The following EFCAB8 variants were observed in gnomAD, a reference collection of about 807,000 sequenced individuals.
EFCAB8 encodes EF-hand calcium binding domain 8, also known as EF-hand calcium-binding domain-containing protein 8.
In EFCAB8, 100 loss-of-function variants were observed where a neutral mutation model predicts 116.3. The ratio of observed to expected loss-of-function variants is 0.86; its 90% CI spans 0.73 to 1.02. The LOEUF (loss-of-function observed/expected upper bound fraction) is 1.02. EFCAB8 is among the 50% of genes least tolerant of loss of function. EFCAB8 has a pLI of 0.00. For synonymous variants in EFCAB8, 558 were observed against 567.9 expected (o/e 0.98, Z 0.25); for missense variants, 1,320 against 1,416.9 (o/e 0.93, Z 1.10).
At chr20:32,949,388 A>G (rs939001875) in intron 23 of EFCAB8, among the ~76,000 whole-genome samples, 2 of 152,232 alleles carry the variant, frequency 1.3e-5, no homozygotes, top group African/African-American at 4.8e-5. Flanking sequence ...AATATCCCAG[A>G]AGAATTTTTG....
chr20:32,865,336 G>A (rs187421841), intron 2 of EFCAB8, among the ~76,000 whole-genome samples: 1 of 152,132 alleles, frequency 6.6e-6, no homozygotes, highest in East Asian at 1.9e-4. Context: ...AGTAAGCACC[G>A]AATGCTTGCT....
chr20:32,911,286 G>A (rs1449230949), intron 15 of EFCAB8, among the ~76,000 whole-genome samples, 194 bp from the exon 16 acceptor site: 4 of 152,162 alleles, frequency 2.6e-5, no homozygotes, highest in East Asian at 1.9e-4. Context: ...GTTCCAGTGC[G>A]TTCCAGTTTG....
intron 11 of EFCAB8, among the ~76,000 whole-genome samples, chr20:32,902,101 G>A (rs142291552): frequency 2.0e-5 from 3 of 152,266 alleles, no homozygotes; most frequent in East Asian, 1.9e-4. Flanking sequence ...GCTAGTCCAC[G>A]TTAATATTTC....
At chr20:32,943,267 A>G (rs1988460835) in intron 22 of EFCAB8, among the ~76,000 whole-genome samples, 1 of 152,214 alleles carries the variant, frequency 6.6e-6, no homozygotes, top group African/African-American at 2.4e-5. Flanking sequence ...TCTGTAAGTC[A>G]GTGAGAATTA....
Position 32,918,537 on chromosome 20 carries a change from C to G in EFCAB8, c.2237C>G (p.Pro746Arg), listed in dbSNP as rs564269501. The change falls in exon 19 of 27, where the codon CCG becomes CGG. Residue 746 changes from proline to arginine, a missense_variant. Physicochemically the swap from Pro to Arg is moderately radical, Grantham distance 103. Transcript: ENST00000400522. ...LVSAPPVMRC[P>R]RDKEPDRPVP... ...TCGGCTCCCCCAGTGATGCGGTGCC[C>G]GAGAGACAAGGAGCCAGACAGGCCT... The G allele has an allele frequency of 4.7e-5, 73 of 1,551,602 alleles. No homozygotes were observed. The African/African-American group carries it at 7.5e-4, about 16-fold the overall frequency.
intron 20 of EFCAB8, among the ~76,000 whole-genome samples, chr20:32,925,476 T>C (rs1263972549): frequency 6.6e-6 from 1 of 152,168 alleles, no homozygotes; most frequent in Non-Finnish European, 1.5e-5. Context: ...GCCTCAGCTT[T>C]CCAAAGTGCT....
intron 1 of EFCAB8, among the ~76,000 whole-genome samples, chr20:32,862,289 C>T (rs1984155246): frequency 6.6e-6 from 1 of 152,036 alleles, no homozygotes; most frequent in Admixed American, 6.6e-5. Context: ...TGCCACCACA[C>T]CTGGCTAATT....
intron 5 of EFCAB8, among the ~76,000 whole-genome samples, chr20:32,880,680 A>G (rs1985283889): frequency 1.3e-5 from 2 of 152,218 alleles, no homozygotes; most frequent in South Asian, 4.1e-4. Flanking sequence ...GTTTATTATA[A>G]AGAATATTAC....
Position 32,906,662 on chromosome 20 carries a change from G to T in EFCAB8, c.1156+33G>T, listed in dbSNP as rs780483726. 4.2e-6 allele frequency: 3 copies of T among 717,598 alleles called. No homozygotes were observed. In the South Asian group the frequency reaches 4.4e-5, roughly 11 times the overall value. 44.5% of individuals were successfully genotyped at this position (717,598 alleles called of 1,614,324 possible). A position where few individuals can be genotyped will look rare whatever the true frequency, so the allele number is the denominator to read the frequency against. ...ACCTTCATGTCACCCAGAAGCTGCTGGGGGGAGGGCTGCTGGGGATGGGGG... is the reference window on the plus strand; with the variant it reads ...ACCTTCATGTCACCCAGAAGCTGCTTGGGGGAGGGCTGCTGGGGATGGGGG... On this transcript the variant is annotated intron_variant, in intron 12 of 26. Coordinates refer to ENST00000400522, the MANE Select transcript of EFCAB8 (RefSeq NM_001143967.2).
Position 32,958,468 on chromosome 20 carries a change from G to C in EFCAB8, c.3007G>C (p.Gly1003Arg). ...VWKRLQDACDGPRENRASLEE... is the reference protein window; with the variant it reads ...VWKRLQDACDRPRENRASLEE... The stretch of plus-strand genomic sequence containing the variant: ...GAAAAGACTACAGGATGCCTGTGAT[G>C]GTCCTCGTGAAAACAGAGCAAGCTT... Residue 1003 changes from glycine (G) to arginine (R), a missense_variant, in exon 24 of 27, where the codon GGT becomes CGT. Gly to Arg is a moderately radical substitution (Grantham distance 125). Transcript: ENST00000400522. 1 of 416,882 alleles carries C rather than the reference G, an allele frequency of 2.4e-6. No individual in the cohort carries two copies. The highest frequency in any genetic ancestry group is 4.4e-6 in the Non-Finnish European group (1 of 226,398). The allele number at this position is 416,882 out of a possible 1,614,324, so 25.8% of individuals were successfully genotyped here.
chr20:32,908,031 C>G (rs1413639914), intron 13 of EFCAB8, among the ~76,000 whole-genome samples: 1 of 152,204 alleles, frequency 6.6e-6, no homozygotes, highest in African/African-American at 2.4e-5. Flanking sequence ...GGGTGGAGGC[C>G]TGGGGGCAGG....
intron 3 of EFCAB8, among the ~76,000 whole-genome samples, chr20:32,873,961 T>C (rs1024039347): frequency 2.0e-5 from 3 of 151,904 alleles, no homozygotes; most frequent in Non-Finnish European, 4.4e-5. Flanking sequence ...TACTCTGTTA[T>C]CCAGGCTGGA....
intron 22 of EFCAB8, among the ~76,000 whole-genome samples, chr20:32,935,641 G>A (rs1031686147): frequency 4.6e-5 from 7 of 151,892 alleles, no homozygotes; most frequent in Non-Finnish European, 7.4e-5. Flanking sequence ...CAAGTAGGTG[G>A]GATTACAGGC....
intron 6 of EFCAB8, 70 bp from the exon 7 acceptor site, chr20:32,889,231 A>G (rs1600387632): frequency 7.4e-7 from 1 of 1,349,934 alleles, no homozygotes; most frequent in Non-Finnish European, 1.0e-6. Flanking sequence ...GTGGCAGGAG[A>G]GGTTCATGGG....
At chr20:32,950,925 T>A (rs1456349317) in intron 23 of EFCAB8, among the ~76,000 whole-genome samples, 3 of 152,316 alleles carry the variant, frequency 2.0e-5, no homozygotes, top group Middle Eastern at 6.8e-3. Context: ...GCAGTGTTTG[T>A]CCGAGATGAC....
At chr20:32,901,655 G>A (rs1033522977) in intron 11 of EFCAB8, among the ~76,000 whole-genome samples, 7 of 152,258 alleles carry the variant, frequency 4.6e-5, no homozygotes, top group Non-Finnish European at 8.8e-5. Flanking sequence ...CAGCTCCGCT[G>A]TCTGTGGTAT....
At chr20:32,907,209 C>A in intron 13 of EFCAB8, 2 of 749,830 alleles carry the variant, frequency 2.7e-6, no homozygotes, top group Non-Finnish European at 3.3e-6. Context: ...AACTTTGTGA[C>A]CCTGGCAAGT....
Position 32,896,494 on chromosome 20 carries a change from G to A in EFCAB8, c.924G>A (p.Glu308=). 1 of 719,014 alleles carries A rather than the reference G, an allele frequency of 1.4e-6. No individual in the cohort carries two copies. The highest frequency in any genetic ancestry group is 2.6e-6 in the Non-Finnish European group (1 of 385,184). The allele number at this position is 719,014 out of a possible 1,614,324, so 44.5% of individuals were successfully genotyped here. A position where few individuals can be genotyped will look rare whatever the true frequency, so the allele number is the denominator to read the frequency against. ...IKVSLQKLLN[E]KSALHRSYRL... ...TTTCCTTGCAGAAACTCTTAAATGA[G>A]AAGTCTGCTTTGCATAGAAGCTACC... The change falls in exon 10 of 27, where the codon GAG becomes GAA. Residue 308 remains glutamate (E), a synonymous_variant. Transcript: ENST00000400522.
intron 3 of EFCAB8, among the ~76,000 whole-genome samples, chr20:32,868,227 TAAA>T (rs952754028): frequency 5.3e-5 from 8 of 152,034 alleles, no homozygotes; most frequent in African/African-American, 1.7e-4. Flanking sequence ...CCTGGCTAAT[TAAA>T]AAAATAATAA....
Sources: gnomAD v4.1 joint callset for allele counts (sites outside exome capture counted in the v4.1 genomes callset) on GRCh38, gnomAD v4.1.1 for gene constraint, MANE v1.5 for transcripts, NCBI Gene and HGNC (gene_info 2026-07-23, HGNC 2026-07-21) for gene names.